The following RYR2 variants were observed in gnomAD, a reference collection of about 807,000 sequenced individuals.
RYR2 encodes ryanodine receptor 2.
Under a neutral mutation model 601.1 loss-of-function variants are expected in RYR2, and 227 were observed. The observed-to-expected ratio is 0.38, with a 90% CI of 0.34 to 0.42. RYR2 has a LOEUF of 0.42. RYR2 is among the 10% of genes least tolerant of loss of function. The probability of loss-of-function intolerance (pLI) is 1.00; values close to 1 mark genes in which losing one functional copy is unlikely to be tolerated. For missense variants in RYR2, 4,646 were observed against 6,156.5 expected (o/e 0.75, Z 8.21); for synonymous variants, 2,223 against 2,175.1 (o/e 1.02, Z -0.61).
chr1:237,412,550 G>A (rs1008480889), intron 10 of RYR2, among the ~76,000 whole-genome samples: 1 of 152,152 alleles, frequency 6.6e-6, no homozygotes, highest in Non-Finnish European at 1.5e-5. Context: ...ACAAAATTCT[G>A]TTCAAAATAA....
At chr1:237,046,891 C>T (rs1293200719) in intron 1 of RYR2, among the ~76,000 whole-genome samples, 1 of 152,038 alleles carries the variant, frequency 6.6e-6, no homozygotes, top group Non-Finnish European at 1.5e-5. Flanking sequence ...AGGAAGTATT[C>T]CAAATAAGTA....
chr1:237,220,072 T>G (rs145198862), intron 1 of RYR2, among the ~76,000 whole-genome samples: 2 of 152,198 alleles, frequency 1.3e-5, no homozygotes, highest in Admixed American at 6.5e-5. Context: ...CAGTTTTAGG[T>G]GTCAGCTTGA....
intron 1 of RYR2, among the ~76,000 whole-genome samples, chr1:237,156,795 T>A (rs956927351): frequency 6.6e-6 from 1 of 152,230 alleles, no homozygotes; most frequent in East Asian, 1.9e-4. Context: ...TAACCTTCAG[T>A]GAGCCACTTG....
In RYR2 at chr1:237,372,234, C is replaced by A. The variant is rs976041761; in HGVS notation, c.385-2483C>A. On this transcript the variant is annotated intron_variant, in intron 6 of 104. Coordinates refer to ENST00000366574, the MANE Select transcript of RYR2 (RefSeq NM_001035.3). ...TAATGATGATTTAATAATATCATTT[C>A]TTTTAATGTGTTACATCACATGAAT... 2.1e-4 allele frequency among the ~76,000 whole-genome samples: 32 copies of A among 152,090 alleles called. No homozygotes were observed. In the East Asian group the frequency reaches 3.7e-3, roughly 17 times the overall value.
intron 63 of RYR2, among the ~76,000 whole-genome samples, chr1:237,698,669 GGA>G (rs768983583): frequency 3.5e-4 from 52 of 147,408 alleles, no homozygotes; most frequent in Non-Finnish European, 4.8e-4. Flanking sequence ...GAGATGGGAG[GGA>G]GAGGGGATTA....
chr1:237,204,508 A>AT (rs201494479), intron 1 of RYR2, among the ~76,000 whole-genome samples: 34,954 of 151,380 alleles, frequency 0.23, 4,763 homozygotes, highest in East Asian at 0.37. Context: ...AAAAACAAAA[A>AT]AAAAAAAAAA....
chr1:237,764,774 T>C (rs545711216), intron 84 of RYR2, among the ~76,000 whole-genome samples: 50 of 152,256 alleles, frequency 3.3e-4, no homozygotes, highest in Non-Finnish European at 3.7e-4. Flanking sequence ...TCTTTGTCCC[T>C]TTCCGGGACA....
chr1:237,262,972 T>C (rs1688689954), intron 1 of RYR2, among the ~76,000 whole-genome samples: 1 of 152,108 alleles, frequency 6.6e-6, no homozygotes, highest in African/African-American at 2.4e-5. Flanking sequence ...ATATGACTGA[T>C]TCGTTTAGAT....
intron 1 of RYR2, among the ~76,000 whole-genome samples, chr1:237,196,801 A>G (rs1262102924): frequency 2.6e-5 from 4 of 152,152 alleles, no homozygotes; most frequent in Non-Finnish European, 2.9e-5. Context: ...AAAGTCTGTA[A>G]GATACACAGT....
At position 237,168,192 on chromosome 1, in the gene RYR2, G is replaced by A. The variant is rs546890765; in HGVS notation, c.49-102305G>A. 2.6e-5 allele frequency among the ~76,000 whole-genome samples: 4 copies of A among 152,220 alleles called. No homozygotes were observed. In the East Asian group the frequency reaches 7.7e-4, roughly 29 times the overall value. ...TAGCCCTGGCCAGCTGTAGAGTGGAGGACAAATGTTGGCTTCATTCCATGT... is the reference window on the plus strand; with the variant it reads ...TAGCCCTGGCCAGCTGTAGAGTGGAAGACAAATGTTGGCTTCATTCCATGT... On this transcript the variant is annotated intron_variant, in intron 1 of 104. Coordinates refer to ENST00000366574, the MANE Select transcript of RYR2 (RefSeq NM_001035.3).
chr1:237,826,397 C>T (rs917665354), intron 101 of RYR2, among the ~76,000 whole-genome samples: 18 of 152,272 alleles, frequency 1.2e-4, no homozygotes, highest in African/African-American at 4.1e-4. Context: ...CCATCATTCT[C>T]AGCAAACTAA....
At position 237,550,540 on chromosome 1, in the gene RYR2, G is replaced by T; in HGVS notation, c.3067-4G>T. On this transcript the variant is annotated splice_polypyrimidine_tract_variant and splice_region_variant and intron_variant, in intron 26 of 104. Coordinates refer to ENST00000366574, the MANE Select transcript of RYR2 (RefSeq NM_001035.3). Reference sequence around the variant, plus strand: ...TGACGGCTGCACCCTGTGTTTTCCTGCAGGACGTAAAGAACAGAAGAAATC... The same window carrying T: ...TGACGGCTGCACCCTGTGTTTTCCTTCAGGACGTAAAGAACAGAAGAAATC... 4 of 1,608,240 alleles carry T rather than the reference G, an allele frequency of 2.5e-6. No individual in the cohort carries two copies.
intron 10 of RYR2, among the ~76,000 whole-genome samples, chr1:237,400,061 C>G (rs1703208449): frequency 6.6e-6 from 1 of 151,690 alleles, no homozygotes; most frequent in Non-Finnish European, 1.5e-5. Context: ...CACACACACA[C>G]AAATGAATAC....
chr1:237,137,961 T>C (rs1173735552), intron 1 of RYR2, among the ~76,000 whole-genome samples: 1 of 152,218 alleles, frequency 6.6e-6, no homozygotes, highest in African/African-American at 2.4e-5. Flanking sequence ...ATCCCAACTT[T>C]TGTGATAATC....
At chr1:237,762,760 T>C (rs1203052906) in intron 84 of RYR2, among the ~76,000 whole-genome samples, 1 of 152,220 alleles carries the variant, frequency 6.6e-6, no homozygotes, top group African/African-American at 2.4e-5. Flanking sequence ...AGAAAATAAT[T>C]ACTCAAACCG....
At chr1:237,406,205 C>CT (rs1703875464) in intron 10 of RYR2, among the ~76,000 whole-genome samples, 1 of 87,912 alleles carries the variant, frequency 1.1e-5, no homozygotes, top group Non-Finnish European at 2.2e-5. Context: ...CTTCCCTCCC[C>CT]TCCCTTCCCC....
At chr1:237,627,681 A>G (rs560264674) in intron 40 of RYR2, 126 bp from the exon 41 acceptor site, 4 of 927,588 alleles carry the variant, frequency 4.3e-6, no homozygotes, top group South Asian at 3.8e-5. Context: ...AAGAATATCT[A>G]GAGCCTTTTC....
At chr1:237,295,663 G>C (rs937605752) in intron 2 of RYR2, among the ~76,000 whole-genome samples, 1 of 152,050 alleles carries the variant, frequency 6.6e-6, no homozygotes, top group Non-Finnish European at 1.5e-5. Flanking sequence ...TATTTTTACC[G>C]CTAGAATCTC....
In RYR2 at chr1:237,742,276, T is replaced by C; in HGVS notation, c.11092-20T>C. On this transcript the variant is annotated intron_variant, in intron 79 of 104. Coordinates refer to ENST00000366574, the MANE Select transcript of RYR2 (RefSeq NM_001035.3). ...CTCAACATATTCCTGTCTCCTTTTT[T>C]TTTTTTTTTAAATATACAGAGTTGT... 6.6e-7 allele frequency: 1 copy of C among 1,508,254 alleles called. No individual in the cohort carries two copies. The highest frequency in any genetic ancestry group is 8.9e-7 in the Non-Finnish European group (1 of 1,123,064). 93.4% of individuals were successfully genotyped at this position (1,508,254 alleles called of 1,614,324 possible).
Sources: allele counts gnomAD v4.1 joint callset (sites outside exome capture counted in the v4.1 genomes callset), GRCh38; gene constraint gnomAD v4.1.1; transcripts MANE v1.5; gene names NCBI Gene and HGNC (gene_info 2026-07-23, HGNC 2026-07-21).